Variants in ANK3 observed in about 807,000 individuals in gnomAD.
The protein encoded by ANK3 is ankyrin 3.
ANK3 carries 57 observed loss-of-function variants against 370.9 expected under a neutral mutation model. The ratio of observed to expected loss-of-function variants is 0.15; its 90% CI spans 0.12 to 0.19. The LOEUF (loss-of-function observed/expected upper bound fraction) is 0.19, where lower values mean the gene tolerates loss of function less well. Among genes scored for constraint, ANK3 ranks in the 10% least tolerant of loss-of-function variants. The pLI is 1.00. For missense variants in ANK3, 4,439 were observed against 5,302.1 expected (o/e 0.84, Z 5.06); for synonymous variants, 1,929 against 1,946.3 (o/e 0.99, Z 0.23).
At chr10:60,726,346 A>C (rs1005900923) in intron 1 of ANK3, among the ~76,000 whole-genome samples, 1 of 152,192 alleles carries the variant, frequency 6.6e-6, no homozygotes, top group Non-Finnish European at 1.5e-5. Flanking sequence ...CATAGGTTCA[A>C]AGTTATTTGT....
At chr10:60,093,192 T>G (rs1203009046) in intron 28 of ANK3, among the ~76,000 whole-genome samples, 1 of 152,228 alleles carries the variant, frequency 6.6e-6, no homozygotes, top group Non-Finnish European at 1.5e-5. Flanking sequence ...CTCCATGATT[T>G]GGCTTAAGAG....
chr10:60,226,285 G>A (rs10740016), intron 8 of ANK3, among the ~76,000 whole-genome samples: 16,375 of 32,142 alleles, frequency 0.51, 3,527 homozygotes, highest in East Asian at 0.65. Flanking sequence ...ATGTATATAT[G>A]CTATATTATA....
chr10:60,388,019 G>T (rs2062656019), intron 1 of ANK3, among the ~76,000 whole-genome samples: 1 of 151,770 alleles, frequency 6.6e-6, no homozygotes, highest in African/African-American at 2.4e-5. Context: ...ATGGACAGGG[G>T]GCAAGTGGTA....
At chr10:60,462,059 T>C (rs1489146519) in intron 2 of ANK3, among the ~76,000 whole-genome samples, 1 of 152,150 alleles carries the variant, frequency 6.6e-6, no homozygotes, top group Non-Finnish European at 1.5e-5. Flanking sequence ...AGAAGAGATT[T>C]ACTAAACTAG....
intron 8 of ANK3, among the ~76,000 whole-genome samples, chr10:60,219,680 T>C (rs1319951585): frequency 1.3e-5 from 2 of 152,148 alleles, no homozygotes; most frequent in Non-Finnish European, 2.9e-5. Flanking sequence ...GTTCCCCAAC[T>C]TGAAGATCCC....
chr10:60,208,555 C>T (rs2096798979), intron 9 of ANK3, among the ~76,000 whole-genome samples: 1 of 152,162 alleles, frequency 6.6e-6, no homozygotes, highest in Non-Finnish European at 1.5e-5. Flanking sequence ...TGGGGTTTCA[C>T]TCTGTTGCTC....
intron 1 of ANK3, among the ~76,000 whole-genome samples, chr10:60,631,039 C>A (rs1471905439): frequency 6.6e-6 from 1 of 152,060 alleles, no homozygotes; most frequent in Non-Finnish European, 1.5e-5. Context: ...AAGGGGGAAT[C>A]AATTATGACT....
At chr10:60,063,062 T>G in intron 40 of ANK3, 49 bp downstream of exon 40, 1 of 1,564,030 alleles carries the variant, frequency 6.4e-7, no homozygotes, top group Non-Finnish European at 8.7e-7. Context: ...GACTGCACTT[T>G]CAAATTTTAT....
At chr10:60,576,207 C>T (rs2077680826) in intron 2 of ANK3, among the ~76,000 whole-genome samples, 1 of 152,104 alleles carries the variant, frequency 6.6e-6, no homozygotes, top group African/African-American at 2.4e-5. Context: ...TATAATGTTC[C>T]CACACTTAAC....
At position 60,212,763 on chromosome 10, in the gene ANK3, A is replaced by C. The variant is rs185381154; in HGVS notation, c.996+649T>G. Among the ~76,000 whole-genome samples, 158 of 152,318 alleles carry C rather than the reference A, an allele frequency of 1.0e-3. 1 individual carries two copies. The highest frequency in any genetic ancestry group is 5.9e-4 in the Non-Finnish European group (40 of 68,022). Reference sequence around the variant, plus strand: ...AAAGCTTAGTATCATTTCCAAAAAAATCACTGGTTTAATTAATAAAAGTAG... The same window carrying C: ...AAAGCTTAGTATCATTTCCAAAAAACTCACTGGTTTAATTAATAAAAGTAG... On this transcript the variant is annotated intron_variant, in intron 9 of 43. Transcript: ENST00000280772.
chr10:60,469,096 CCACTTTTAGTATATATATATAT>C (rs1193926766), intron 2 of ANK3, among the ~76,000 whole-genome samples: 5 of 8,792 alleles, frequency 5.7e-4, no homozygotes, highest in East Asian at 4.5e-3. Flanking sequence ...TATATATATA[CCACTTTTAGTATATATATATAT>C]ACCACTTTTA....
intron 1 of ANK3, among the ~76,000 whole-genome samples, chr10:60,381,884 C>CA (rs2061598719): frequency 6.6e-6 from 1 of 152,182 alleles, no homozygotes; most frequent in African/African-American, 2.4e-5. Context: ...CATTGAGCCT[C>CA]AAGGCCCATT....
chr10:60,629,398 C>G (rs10994438), intron 1 of ANK3, among the ~76,000 whole-genome samples: 51,880 of 152,008 alleles, frequency 0.34, 9,038 homozygotes, highest in African/African-American at 0.39. Context: ...TTGAAGTTAG[C>G]TATCAAAATA....
chr10:60,084,652 A>C lies in ANK3; in HGVS notation c.4024T>G (p.Leu1342Val), dbSNP rs1253684161. The change falls in exon 32 of 44, where the codon TTA becomes GTA. Residue 1342 changes from leucine to valine, a missense_variant. Leu to Val is a conservative substitution (Grantham distance 32, BLOSUM62 1). Transcript: ENST00000280772. Reference sequence around the variant, plus strand: ...TCCTCAAAATTCTCTTGTTGCTCTAAAGTTTTGTCCACTTTGTCATCTGTC... The same window carrying C: ...TCCTCAAAATTCTCTTGTTGCTCTACAGTTTTGTCCACTTTGTCATCTGTC... ...CMTDDKVDKT[L>V]EQQENFEEVA... The C allele has an allele frequency of 6.2e-7, 1 of 1,613,910 alleles. No individual in the cohort carries two copies. The highest frequency in any genetic ancestry group is 2.2e-5 in the East Asian group (1 of 44,856).
Position 60,245,437 on chromosome 10 carries a change from T to G in ANK3, c.799-10651A>C, listed in dbSNP as rs113111215. Among the ~76,000 whole-genome samples the G allele has an allele frequency of 2.7e-3, 414 of 152,312 alleles. 1 individual carries two copies. The highest frequency in any genetic ancestry group is 4.5e-3 in the Non-Finnish European group (305 of 68,038). ...TAAGGATGTGCAATCAGCAGCAGTATCTAATTCTAGCACATTTTCATCATT... is the reference window on the plus strand; with the variant it reads ...TAAGGATGTGCAATCAGCAGCAGTAGCTAATTCTAGCACATTTTCATCATT... On this transcript the variant is annotated intron_variant, in intron 7 of 43. Transcript: ENST00000280772.
chr10:60,035,222 G>A (rs1281137923), intron 43 of ANK3, among the ~76,000 whole-genome samples: 1 of 151,986 alleles, frequency 6.6e-6, no homozygotes, highest in Non-Finnish European at 1.5e-5. Context: ...TAAAAGCTTT[G>A]TGGCTCTATT....
rs142972856 is a variant in ANK3, at chr10:60,147,520, C to T, written c.2615-8433G>A. ...TTGATATGGTTTGGCTCTGTGTCCC[C>T]ACCAAATCTCATGTTGAATTGTCAT... is the stretch of plus-strand genomic sequence containing the variant. On this transcript the variant is annotated intron_variant, in intron 23 of 43. Coordinates refer to ENST00000280772, the MANE Select transcript of ANK3 (RefSeq NM_020987.5). Among the ~76,000 whole-genome samples the T allele has an allele frequency of 2.9e-3, 444 of 152,308 alleles. 4 individuals carry two copies. Among genetic ancestry groups the T allele is most frequent in the African/African-American group, 0.01 (434 of 41,576 alleles).
intron 2 of ANK3, among the ~76,000 whole-genome samples, chr10:60,426,408 GT>G (rs1210375841): frequency 2.0e-5 from 3 of 152,078 alleles, no homozygotes; most frequent in African/African-American, 7.2e-5. Flanking sequence ...AGCCTCCTGT[GT>G]TTCTTTCTCA....
intron 2 of ANK3, among the ~76,000 whole-genome samples, chr10:60,574,048 T>A (rs771749912): frequency 6.6e-6 from 1 of 152,188 alleles, no homozygotes; most frequent in Non-Finnish European, 1.5e-5. Context: ...TTCAATGGTA[T>A]GTGTGGGGGA....
Sources: allele counts gnomAD v4.1 joint callset (sites outside exome capture counted in the v4.1 genomes callset), GRCh38; gene constraint gnomAD v4.1.1; transcripts MANE v1.5; gene names NCBI Gene and HGNC (gene_info 2026-07-23, HGNC 2026-07-21).